Variants in RLBP1 observed in about 807,000 individuals in gnomAD.
RLBP1 encodes retinaldehyde binding protein 1, also known as retinaldehyde-binding protein 1.
A neutral mutation model predicts 36.2 loss-of-function variants in RLBP1; 26 were observed. The observed-to-expected ratio is 0.72, with a 90% CI of 0.53 to 1.00. RLBP1 has a LOEUF of 1.00. Among genes scored for constraint, RLBP1 ranks in the 50% least tolerant of loss-of-function variants. The probability of loss-of-function intolerance (pLI) is 0.00; values close to 1 mark genes in which losing one functional copy is unlikely to be tolerated. For missense variants in RLBP1, 410 were observed against 402.4 expected (o/e 1.02, Z -0.16); for synonymous variants, 155 against 156.2 (o/e 0.99, Z 0.06).
chr15:89,210,268 G>C lies in RLBP1; in HGVS notation c.*17C>G. On this transcript the variant is annotated 3_prime_UTR_variant, in exon 9 of 9. Coordinates refer to ENST00000268125, the MANE Select transcript of RLBP1 (RefSeq NM_000326.5). The surrounding 1 kb of genome is among the most constrained non-coding windows in gnomAD (Gnocchi z 4.7). ...GCCCAGAGATTCTAACTACAGTTCA[G>C]CTGGCAGGAGATGTTTTCAGAAGGC... 6.2e-7 allele frequency: 1 copy of C among 1,613,574 alleles called. No homozygotes were observed. Among genetic ancestry groups the C allele is most frequent in the Non-Finnish European group, 8.5e-7 (1 of 1,179,930 alleles).
In RLBP1 at chr15:89,214,933, G is replaced by T; in HGVS notation, c.525+127C>A. 1 of 972,666 alleles carries T rather than the reference G, an allele frequency of 1.0e-6. No homozygotes were observed. Among genetic ancestry groups the T allele is most frequent in the Non-Finnish European group, 1.6e-6 (1 of 618,848 alleles). The allele number at this position is 972,666 out of a possible 1,614,324, so 60.3% of individuals were successfully genotyped here. Reference sequence around the variant, plus strand: ...GCCTGGAAAGGGCTAGGTGGCAGGTGGCTGCCCACCTTTCCCCCTCTACAG... The same window carrying T: ...GCCTGGAAAGGGCTAGGTGGCAGGTTGCTGCCCACCTTTCCCCCTCTACAG... On this transcript the variant is annotated intron_variant, in intron 6 of 8. Transcript: ENST00000268125. This position sits in a 1 kb window ranked among gnomAD's most constrained non-coding sequence, Gnocchi z 4.6.
rs200571451 is a variant in RLBP1 at position 89,218,519 on chromosome 15, T to C, written c.141+46A>G. Reference sequence around the variant, plus strand: ...AGAGAATGCAGTCATGTTCCCCTCATGTTGCCTCCCTAGGCTGCTCCTCTC... The same window carrying C: ...AGAGAATGCAGTCATGTTCCCCTCACGTTGCCTCCCTAGGCTGCTCCTCTC... On this transcript the variant is annotated intron_variant, in intron 4 of 8. Transcript: ENST00000268125. This position sits in a 1 kb window ranked among gnomAD's most constrained non-coding sequence, Gnocchi z 4.6. The C allele has an allele frequency of 6.2e-6, 10 of 1,613,628 alleles. No homozygotes were observed. Among genetic ancestry groups the C allele is most frequent in the Admixed American group, 5.0e-5 (3 of 60,008 alleles).
rs200143313 is a variant in RLBP1 at position 89,218,599 on chromosome 15, G to T, written c.107C>A (p.Pro36Gln). The T allele has an allele frequency of 1.2e-6, 2 of 1,614,100 alleles. No homozygotes were observed. Residue 36 changes from proline (P) to glutamine (Q), a missense_variant, in exon 4 of 9, where the codon CCG (proline) becomes CAG (glutamine). By Grantham distance (76) the Pro-to-Gln change is moderately conservative. Transcript: ENST00000268125. The surrounding 1 kb of genome is among the most constrained non-coding windows in gnomAD (Gnocchi z 4.6). Reference sequence around the variant, plus strand: ...GGTGTGGCGGGGCAGCTGGCTGCACGGGCCAAAGACAGGTCCATGGTCCTT... The same window carrying T: ...GGTGTGGCGGGGCAGCTGGCTGCACTGGCCAAAGACAGGTCCATGGTCCTT... The part of the protein sequence containing the change: ...TTKDHGPVFG[P>Q]CSQLPRHTLQ...
intron 6 of RLBP1, among the ~76,000 whole-genome samples, chr15:89,212,191 T>C (rs1237478631): frequency 6.6e-6 from 1 of 152,186 alleles, no homozygotes; most frequent in East Asian, 1.9e-4. Flanking sequence ...ATTTATGCCA[T>C]GGAATACTCT....
intron 1 of RLBP1, among the ~76,000 whole-genome samples, chr15:89,220,646 A>G (rs1045990771): frequency 2.0e-5 from 3 of 152,218 alleles, no homozygotes; most frequent in Admixed American, 6.5e-5. Context: ...ATGTGGGCAC[A>G]GAGGTAGACA....
In RLBP1 at chr15:89,210,911, C is replaced by T. The variant is rs1326914425; in HGVS notation, c.685-102G>A. ...TCCTCATGGCATAGAACAGACTTGT[C>T]CAGCATCACAGGGCTGCCCTGGAGA... On this transcript the variant is annotated intron_variant, in intron 7 of 8. Coordinates refer to ENST00000268125, the MANE Select transcript of RLBP1 (RefSeq NM_000326.5). The surrounding 1 kb of genome is among the most constrained non-coding windows in gnomAD (Gnocchi z 4.7). The T allele has an allele frequency of 1.0e-5, 8 of 802,878 alleles. No homozygotes were observed. In the South Asian group the frequency reaches 1.0e-4, roughly 10 times the overall value. The allele number at this position is 802,878 out of a possible 1,614,324, so 49.7% of individuals were successfully genotyped here.
chr15:89,215,042 A>G lies in RLBP1; in HGVS notation c.525+18T>C. 1 of 1,613,470 alleles carries G rather than the reference A, an allele frequency of 6.2e-7. No homozygotes were observed. Among genetic ancestry groups the G allele is most frequent in the Non-Finnish European group, 8.5e-7 (1 of 1,179,394 alleles). ...GAACCCAGCCCACAGGGTGGGAGCCAGGCGAGCCCCCACTAACCTCATCAA... is the reference window on the plus strand; with the variant it reads ...GAACCCAGCCCACAGGGTGGGAGCCGGGCGAGCCCCCACTAACCTCATCAA... On this transcript the variant is annotated intron_variant, in intron 6 of 8. Transcript: ENST00000268125.
intron 6 of RLBP1, among the ~76,000 whole-genome samples, chr15:89,212,757 C>G (rs2051549627): frequency 6.6e-6 from 1 of 150,866 alleles, no homozygotes; most frequent in African/African-American, 2.4e-5. Context: ...GAGATGGAGT[C>G]TTGCTCTGTC....
intron 1 of RLBP1, among the ~76,000 whole-genome samples, chr15:89,221,289 G>A (rs1167487435): frequency 1.3e-5 from 2 of 152,208 alleles, no homozygotes; most frequent in African/African-American, 4.8e-5. Flanking sequence ...GATTACAGGC[G>A]TGAGCCTAAA....
At position 89,215,120 on chromosome 15, in the gene RLBP1, G is replaced by C; in HGVS notation, c.465C>G (p.Gly155=). 1 of 1,614,214 alleles carries C rather than the reference G, an allele frequency of 6.2e-7. No homozygotes were observed. Among genetic ancestry groups the C allele is most frequent in the Non-Finnish European group, 8.5e-7 (1 of 1,180,036 alleles). ...PGVLSSRDKY[G]RVVMLFNIEN... ...CAATGTTGAAGAGCATGACCACTCG[G>C]CCATACTTGTCCCGACTAGAGAGGA... Residue 155 remains glycine, a synonymous_variant, in exon 6 of 9, where the codon GGC becomes GGG. Coordinates refer to ENST00000268125, the MANE Select transcript of RLBP1 (RefSeq NM_000326.5).
Position 89,217,117 on chromosome 15 carries a change from C to CA in RLBP1, c.346+2dup. The CA allele has an allele frequency of 6.3e-7, 1 of 1,577,076 alleles. No individual in the cohort carries two copies. Among genetic ancestry groups the CA allele is most frequent in the Non-Finnish European group, 8.7e-7 (1 of 1,148,856 alleles). On this transcript the variant is annotated splice_region_variant and intron_variant, in intron 5 of 8. Coordinates refer to ENST00000268125, the MANE Select transcript of RLBP1 (RefSeq NM_000326.5). ...GGGCCGTCCCTCCAAGCACTGGCCTCACCTCTGAGCAGCTCATAGGCACGG... is the reference window on the plus strand; with the variant it reads ...GGGCCGTCCCTCCAAGCACTGGCCTCAACCTCTGAGCAGCTCATAGGCACGG...
intron 6 of RLBP1, 25 bp downstream of exon 6, chr15:89,215,035 G>T: frequency 6.2e-7 from 1 of 1,613,518 alleles, no homozygotes; most frequent in South Asian, 1.1e-5. Flanking sequence ...CCCACAGGGT[G>T]GGAGCCAGGC....
Position 89,218,144 on chromosome 15 carries a change from A to C in RLBP1, c.141+421T>G, listed in dbSNP as rs182072505. On this transcript the variant is annotated intron_variant, in intron 4 of 8. Transcript: ENST00000268125. The surrounding 1 kb of genome is among the most constrained non-coding windows in gnomAD (Gnocchi z 4.6). ...CTAGTCCACCAACCGTCTTTCATAGATACAGAAGGCAAGACCCAGAGATGG... is the reference window on the plus strand; with the variant it reads ...CTAGTCCACCAACCGTCTTTCATAGCTACAGAAGGCAAGACCCAGAGATGG... 9.8e-4 allele frequency among the ~76,000 whole-genome samples: 149 copies of C among 152,278 alleles called. No individual in the cohort carries two copies. The highest frequency in any genetic ancestry group is 3.2e-3 in the African/African-American group (133 of 41,556).
intron 6 of RLBP1, 44 bp downstream of exon 6, chr15:89,215,016 G>A (rs1231752560): frequency 1.2e-6 from 2 of 1,603,374 alleles, no homozygotes; most frequent in Admixed American, 3.3e-5. Flanking sequence ...GTTGAGGGAG[G>A]GAACCCAGCC....
chr15:89,218,654 G>T lies in RLBP1; in HGVS notation c.52C>A (p.Leu18Ile). 1.2e-6 allele frequency: 2 copies of T among 1,614,248 alleles called. No homozygotes were observed. Among genetic ancestry groups the T allele is most frequent in the Non-Finnish European group, 1.7e-6 (2 of 1,180,054 alleles). Residue 18 changes from leucine (L) to isoleucine (I), a missense_variant, in exon 4 of 9, where the codon CTC (leucine) becomes ATC (isoleucine). Physicochemically the swap from Leu to Ile is conservative, Grantham distance 5 (BLOSUM62 2). Coordinates refer to ENST00000268125, the MANE Select transcript of RLBP1 (RefSeq NM_000326.5). This position sits in a 1 kb window ranked among gnomAD's most constrained non-coding sequence, Gnocchi z 4.6. ...FRMVPEEEQELRAQLEQLTTK... is the reference protein window; with the variant it reads ...FRMVPEEEQEIRAQLEQLTTK... The stretch of plus-strand genomic sequence containing the variant: ...GTGAGCTGCTCCAGTTGGGCACGGA[G>T]CTCCTGTTCCTCTTCAGGTACCATG...
At chr15:89,215,283 T>C in intron 5 of RLBP1, 45 bp from the exon 6 acceptor site, 1 of 1,598,298 alleles carries the variant, frequency 6.3e-7, no homozygotes, top group Non-Finnish European at 8.6e-7. Flanking sequence ...AGCCATCCCA[T>C]CCCTACCCCA....
chr15:89,215,237 G>C lies in RLBP1; in HGVS notation c.348C>G (p.Gly116=). The C allele has an allele frequency of 6.2e-7, 1 of 1,614,100 alleles. No individual in the cohort carries two copies. The highest frequency in any genetic ancestry group is 8.5e-7 in the Non-Finnish European group (1 of 1,179,982). The change falls in exon 6 of 9, where the codon GGC becomes GGG. Residue 116 remains glycine (G), a splice_region_variant and synonymous_variant. Transcript: ENST00000268125. ...GGTACTGCAGCCGGAAATTCACATA[G>C]CCTGGAGGAAGGAGAGCAGAGGAAC... The part of the protein sequence containing the change: ...NVGRAYELLR[G]YVNFRLQYPE...
intron 5 of RLBP1, 147 bp from the exon 6 acceptor site, chr15:89,215,385 T>A (rs1299821065): frequency 1.4e-6 from 1 of 702,734 alleles, no homozygotes; most frequent in Non-Finnish European, 2.4e-6. Context: ...CCATGTTTCC[T>A]CTCCAAAAAA....
At chr15:89,220,119 C>T (rs145463369) in intron 1 of RLBP1, among the ~76,000 whole-genome samples, 16 of 152,284 alleles carry the variant, frequency 1.1e-4, no homozygotes, top group African/African-American at 3.1e-4. Context: ...TGGTAAGTGA[C>T]AGAGTTGGGA....
Sources: gnomAD v4.1 joint callset for allele counts (sites outside exome capture counted in the v4.1 genomes callset) on GRCh38, gnomAD v4.1.1 for gene constraint, Gnocchi (gnomAD v3.1) non-coding constraint, MANE v1.5 for transcripts, NCBI Gene and HGNC (gene_info 2026-07-23, HGNC 2026-07-21) for gene names.